Variants in MFAP3L observed in about 807,000 individuals in gnomAD.
MFAP3L encodes the protein microfibrillar-associated protein 3-like.
A neutral mutation model predicts 20.0 loss-of-function variants in MFAP3L; 5 were observed. The ratio of observed to expected loss-of-function variants is 0.25; its 90% CI spans 0.13 to 0.53. The LOEUF is 0.53. Among genes scored for constraint, MFAP3L ranks in the 20% least tolerant of loss-of-function variants. The pLI, the probability that MFAP3L is intolerant of heterozygous loss-of-function variation, is 0.96. For missense variants in MFAP3L, 409 were observed against 527.5 expected, an observed-to-expected ratio of 0.78 and a Z score of 2.20; for synonymous variants, 219 against 213.0, an observed-to-expected ratio of 1.03 and a Z score of -0.25.
In MFAP3L at chr4:169,989,660, AGAGT is replaced by A. The variant is rs1471143654; in HGVS notation, c.*1714_*1717del. On this transcript the variant is annotated 3_prime_UTR_variant, in exon 3 of 3. Transcript: ENST00000361618. ...CAAGGTCACCTCCTCAGATGGTGAC[AGAGT>A]GAGGACTAAACATCTGGGTCTGCTC... 6.6e-6 allele frequency: 1 copy of A among 152,232 alleles called. No homozygotes were observed. The highest frequency in any genetic ancestry group is 1.5e-5 in the Non-Finnish European group (1 of 68,040). The allele number at this position is 152,232 out of a possible 1,614,324, so 9.4% of individuals were successfully genotyped here. A position where few individuals can be genotyped will look rare whatever the true frequency, so the allele number is the denominator to read the frequency against.
intron 1 of MFAP3L, among the ~76,000 whole-genome samples, chr4:170,011,025 G>A (rs1265655258): frequency 6.6e-6 from 1 of 152,068 alleles, no homozygotes; most frequent in Non-Finnish European, 1.5e-5. Context: ...TGTTCTTGTG[G>A]TAGTAAGTCT....
intron 1 of MFAP3L, among the ~76,000 whole-genome samples, chr4:170,010,941 T>A (rs1739341277): frequency 6.6e-6 from 1 of 152,202 alleles, no homozygotes; most frequent in Non-Finnish European, 1.5e-5. Flanking sequence ...TCACCTTGAA[T>A]TGTAATAAAC....
chr4:170,023,014 G>C lies in MFAP3L; in HGVS notation c.-134+3220C>G, dbSNP rs188968521. 1.2e-4 allele frequency among the ~76,000 whole-genome samples: 18 copies of C among 152,276 alleles called. No individual in the cohort carries two copies. The South Asian group carries it at 1.2e-3, about 11-fold the overall frequency. On this transcript the variant is annotated intron_variant, in intron 1 of 2. Transcript: ENST00000361618. Reference sequence around the variant, plus strand: ...TTCCAAAGTGGACACCTTTGGTGGGGGGCATTATTCTGCCTATCCCAATGA... The same window carrying C: ...TTCCAAAGTGGACACCTTTGGTGGGCGGCATTATTCTGCCTATCCCAATGA...
intron 1 of MFAP3L, 79 bp from the exon 2 acceptor site, chr4:170,006,089 G>T: frequency 1.8e-6 from 2 of 1,121,830 alleles, no homozygotes; most frequent in Non-Finnish European, 2.4e-6. Flanking sequence ...GGTTAGCAAT[G>T]CAGCTAAAAT....
rs546376627 is a variant in MFAP3L, at chr4:169,991,715, G to T, written c.893C>A (p.Ser298Tyr). Residue 298 changes from serine to tyrosine, a missense_variant, in exon 3 of 3, where the codon TCC (serine) becomes TAC (tyrosine). Physicochemically the swap from Ser to Tyr is moderately radical, Grantham distance 144 (BLOSUM62 -2). This residue lies in a region of MFAP3L where 169 missense variants were observed against 178.2 expected (regional missense o/e 0.95). Coordinates refer to ENST00000361618, the MANE Select transcript of MFAP3L (RefSeq NM_021647.8). The surrounding 1 kb of genome is among the most constrained non-coding windows in gnomAD (Gnocchi z 4.9). The part of the protein sequence containing the change: ...TIPNSLKRSD[S>Y]PAADSDASSL... Reference sequence around the variant, plus strand: ...TGAGGCGTCCGAGTCAGCGGCAGGGGAGTCGCTCCGCTTCAGAGAGTTGGG... The same window carrying T: ...TGAGGCGTCCGAGTCAGCGGCAGGGTAGTCGCTCCGCTTCAGAGAGTTGGG... The T allele has an allele frequency of 2.5e-6, 4 of 1,614,156 alleles. No homozygotes were observed. The highest frequency in any genetic ancestry group is 3.4e-6 in the Non-Finnish European group (4 of 1,180,040).
chr4:170,022,939 C>G (rs1740129459), intron 1 of MFAP3L, among the ~76,000 whole-genome samples: 1 of 152,212 alleles, frequency 6.6e-6, no homozygotes, highest in Non-Finnish European at 1.5e-5. Flanking sequence ...CTGTATAATC[C>G]TGAATAACCT....
In MFAP3L at chr4:169,991,251, A is replaced by C; in HGVS notation, c.*127T>G. The stretch of plus-strand genomic sequence containing the variant: ...TGCAGGCAGGTGTTTCTCCTTTTAA[A>C]GTGGCATCACTCCTACCTAAGGGAT... On this transcript the variant is annotated 3_prime_UTR_variant, in exon 3 of 3. Coordinates refer to ENST00000361618, the MANE Select transcript of MFAP3L (RefSeq NM_021647.8). The surrounding 1 kb of genome is among the most constrained non-coding windows in gnomAD (Gnocchi z 4.9). The C allele has an allele frequency of 1.0e-6, 1 of 986,488 alleles. No homozygotes were observed. The highest frequency in any genetic ancestry group is 1.5e-6 in the Non-Finnish European group (1 of 670,136). The allele number at this position is 986,488 out of a possible 1,614,324, so 61.1% of individuals were successfully genotyped here.
intron 2 of MFAP3L, among the ~76,000 whole-genome samples, chr4:170,000,076 C>T (rs768957138): frequency 2.7e-4 from 41 of 152,132 alleles, no homozygotes; most frequent in African/African-American, 8.9e-4. Context: ...CTGAGAACCA[C>T]GGGGTTAGGC....
chr4:170,025,672 T>C (rs1347237251), intron 1 of MFAP3L, among the ~76,000 whole-genome samples: 2 of 152,164 alleles, frequency 1.3e-5, no homozygotes, highest in Admixed American at 6.5e-5. Context: ...CAACTTGTTA[T>C]GGAGTCAAAT....
chr4:170,018,435 T>A (rs1392997513), intron 1 of MFAP3L, among the ~76,000 whole-genome samples: 2 of 152,122 alleles, frequency 1.3e-5, no homozygotes, highest in Admixed American at 1.3e-4. Flanking sequence ...GGAGAAATGA[T>A]AAAGAGGACT....
intron 1 of MFAP3L, among the ~76,000 whole-genome samples, chr4:170,017,429 C>T (rs1415657985): frequency 2.0e-5 from 3 of 152,142 alleles, no homozygotes; most frequent in Non-Finnish European, 4.4e-5. Flanking sequence ...GTTATCTCAT[C>T]AGAGCCTCAG....
chr4:169,999,073 T>C (rs1738423229), intron 2 of MFAP3L, among the ~76,000 whole-genome samples: 1 of 152,368 alleles, frequency 6.6e-6, no homozygotes, highest in South Asian at 2.1e-4. Flanking sequence ...TAGCACTGCA[T>C]GGCTGCACCT....
chr4:170,008,635 G>C (rs752527264), intron 1 of MFAP3L, among the ~76,000 whole-genome samples: 11 of 152,122 alleles, frequency 7.2e-5, no homozygotes, highest in Non-Finnish European at 1.5e-4. Flanking sequence ...GTGCCACCTA[G>C]AGATGATGTT....
intron 1 of MFAP3L, 111 bp downstream of exon 1, chr4:170,026,123 C>T: frequency 1.7e-6 from 1 of 592,504 alleles, no homozygotes; most frequent in Non-Finnish European, 2.1e-6. Context: ...CTCAGCCAGC[C>T]CAAACACCCG....
At chr4:169,995,677 T>C (rs1015241555) in intron 2 of MFAP3L, among the ~76,000 whole-genome samples, 11 of 152,198 alleles carry the variant, frequency 7.2e-5, no homozygotes, top group Non-Finnish European at 1.0e-4. Context: ...CAGAAAGTTA[T>C]ACAAACACCC....
At chr4:170,001,328 A>G (rs950639247) in intron 2 of MFAP3L, among the ~76,000 whole-genome samples, 1 of 152,236 alleles carries the variant, frequency 6.6e-6, no homozygotes, top group Non-Finnish European at 1.5e-5. Context: ...GGCAAAATTT[A>G]TAATAATGAA....
At chr4:170,009,091 A>C (rs1739217009) in intron 1 of MFAP3L, among the ~76,000 whole-genome samples, 1 of 152,196 alleles carries the variant, frequency 6.6e-6, no homozygotes, top group African/African-American at 2.4e-5. Context: ...AGCACCATGA[A>C]AAGTTTAGTT....
intron 1 of MFAP3L, among the ~76,000 whole-genome samples, chr4:170,010,672 T>C (rs1739318711): frequency 6.6e-6 from 1 of 152,196 alleles, no homozygotes; most frequent in African/African-American, 2.4e-5. Flanking sequence ...AGGAAAATGG[T>C]ATATAATACA....
At chr4:169,993,133 A>G (rs1037526988) in intron 2 of MFAP3L, among the ~76,000 whole-genome samples, 1 of 152,190 alleles carries the variant, frequency 6.6e-6, no homozygotes, top group Non-Finnish European at 1.5e-5. Context: ...CTCAGGAATG[A>G]TATTTTGAAT....
Sources: allele counts gnomAD v4.1 joint callset (sites outside exome capture counted in the v4.1 genomes callset), GRCh38; gene constraint gnomAD v4.1.1; regional missense constraint gnomAD v4.1.1; non-coding constraint Gnocchi (gnomAD v3.1); transcripts MANE v1.5; gene names NCBI Gene and HGNC (gene_info 2026-07-23, HGNC 2026-07-21).